PTGFRN: variants seen among roughly 807,000 people sequenced by gnomAD.
The protein encoded by PTGFRN is prostaglandin F2 receptor negative regulator.
A neutral mutation model predicts 83.2 loss-of-function variants in PTGFRN; 35 were observed. The ratio of observed to expected loss-of-function variants is 0.42; its 90% CI spans 0.32 to 0.56. The LOEUF is 0.56. Ranked by LOEUF, PTGFRN falls within the 20% of genes least tolerant of loss-of-function variation. The pLI, the probability that PTGFRN is intolerant of heterozygous loss-of-function variation, is 0.11. For missense variants in PTGFRN, 1,051 were observed against 1,179.5 expected, an observed-to-expected ratio of 0.89 and a Z score of 1.60; for synonymous variants, 519 against 498.6, an observed-to-expected ratio of 1.04 and a Z score of -0.55.
intron 2 of PTGFRN, 122 bp downstream of exon 2, chr1:116,942,205 A>T: frequency 7.7e-7 from 1 of 1,291,110 alleles, no homozygotes; most frequent in Non-Finnish European, 1.1e-6. Context: ...TGTCCAGGGG[A>T]ATAATCATGT....
chr1:116,912,731 G>T (rs953014083), intron 1 of PTGFRN, among the ~76,000 whole-genome samples: 1 of 152,186 alleles, frequency 6.6e-6, no homozygotes, highest in Non-Finnish European at 1.5e-5. Flanking sequence ...CCTCCAAGGA[G>T]ATGTTGCCCC....
At chr1:116,954,170 T>G in intron 4 of PTGFRN, among the ~76,000 whole-genome samples, 1 of 152,098 alleles carries the variant, frequency 6.6e-6, no homozygotes, top group South Asian at 2.1e-4. Context: ...TCATGAGTAT[T>G]TCTTTGGGTG....
At position 116,986,833 on chromosome 1, in the gene PTGFRN, G is replaced by A. The variant is rs752823325; in HGVS notation, c.2506G>A (p.Gly836Ser). 1.9e-6 allele frequency: 3 copies of A among 1,614,002 alleles called. No individual in the cohort carries two copies. The highest frequency in any genetic ancestry group is 2.5e-6 in the Non-Finnish European group (3 of 1,180,000). ...LNAFKYPLLI[G>S]VGLSTVIGLL... ...CGCCTTCAAGTATCCCTTGCTGATCGGCGTCGGTCTGTCCACGGTCATCGG... is the reference window on the plus strand; with the variant it reads ...CGCCTTCAAGTATCCCTTGCTGATCAGCGTCGGTCTGTCCACGGTCATCGG... The change falls in exon 9 of 9, where the codon GGC becomes AGC. Residue 836 changes from glycine (G) to serine (S), a missense_variant. Physicochemically the swap from Gly to Ser is moderately conservative, Grantham distance 56. Around this residue, in one of 3 missense-constraint regions of PTGFRN, gnomAD observed 719 missense variants for 836.6 expected, o/e 0.86. Coordinates refer to ENST00000393203, the MANE Select transcript of PTGFRN (RefSeq NM_020440.4).
In PTGFRN at chr1:116,955,928, G is replaced by A. The variant is rs539703254; in HGVS notation, c.1214-5315G>A. 2.6e-5 allele frequency among the ~76,000 whole-genome samples: 4 copies of A among 152,306 alleles called. No individual in the cohort carries two copies. In the South Asian group the frequency reaches 8.3e-4, roughly 32 times the overall value. On this transcript the variant is annotated intron_variant, in intron 4 of 8. Coordinates refer to ENST00000393203, the MANE Select transcript of PTGFRN (RefSeq NM_020440.4). The stretch of plus-strand genomic sequence containing the variant: ...GGTGGGATTTGTTGAATACGAAATA[G>A]GAGTGTGACATGTGAGTTCAAAGGA...
In PTGFRN at chr1:116,987,002, T is replaced by C. The variant is rs1032283640; in HGVS notation, c.*35T>C. ...GGAGGGGAGTGACAGAGGGACGTTCTAGGAGCAATTGGGGCAAGAAGAGGA... is the reference window on the plus strand; with the variant it reads ...GGAGGGGAGTGACAGAGGGACGTTCCAGGAGCAATTGGGGCAAGAAGAGGA... On this transcript the variant is annotated 3_prime_UTR_variant, in exon 9 of 9. Transcript: ENST00000393203. 1.2e-6 allele frequency: 2 copies of C among 1,611,840 alleles called. No individual in the cohort carries two copies. The highest frequency in any genetic ancestry group is 1.3e-5 in the African/African-American group (1 of 74,870).
Position 116,953,853 on chromosome 1 carries a change from CTTTTTT to C in PTGFRN, c.1213+4293_1213+4298del, listed in dbSNP as rs531278323. ...AGAAAGAAAAACTTCATGAATATTT[CTTTTTT>C]TTTTTTTTTTTGAGATGGAGTCTCG... On this transcript the variant is annotated intron_variant, in intron 4 of 8. Coordinates refer to ENST00000393203, the MANE Select transcript of PTGFRN (RefSeq NM_020440.4). Among the ~76,000 whole-genome samples, 106 of 135,034 alleles carry C rather than the reference CTTTTTT, an allele frequency of 7.8e-4. 2 individuals are homozygous for C. In the East Asian group the frequency reaches 0.02, roughly 26 times the overall value. The allele number at this position is 135,034 out of a possible 152,430, so 88.6% of individuals were successfully genotyped here.
chr1:116,954,959 G>A (rs1650446808), intron 4 of PTGFRN, among the ~76,000 whole-genome samples: 1 of 152,098 alleles, frequency 6.6e-6, no homozygotes, highest in African/African-American at 2.4e-5. Flanking sequence ...TGTAAAATGG[G>A]GATAATAATA....
chr1:116,967,232 G>T lies in PTGFRN; in HGVS notation c.1961G>T (p.Arg654Leu). The T allele has an allele frequency of 1.2e-6, 2 of 1,614,164 alleles. No individual in the cohort carries two copies. The highest frequency in any genetic ancestry group is 1.7e-6 in the Non-Finnish European group (2 of 1,180,008). The change falls in exon 6 of 9, where the codon CGC becomes CTC. Residue 654 changes from arginine to leucine, a missense_variant. Arg to Leu is a moderately radical substitution (Grantham distance 102, BLOSUM62 -2). Transcript: ENST00000393203. ...CAGGTCTCAGACGCAGGGCTGTACC[G>T]CTGCATGGTGACAGCCTGGTCTCCT... is the stretch of plus-strand genomic sequence containing the variant. ...QTQVSDAGLY[R>L]CMVTAWSPVR...
intron 4 of PTGFRN, among the ~76,000 whole-genome samples, chr1:116,955,284 A>G (rs1282817210): frequency 6.6e-6 from 1 of 152,214 alleles, no homozygotes; most frequent in African/African-American, 2.4e-5. Flanking sequence ...GTGATGCTGC[A>G]CTTGGACTGG....
chr1:116,936,958 G>T (rs571974490), intron 1 of PTGFRN, among the ~76,000 whole-genome samples: 1 of 152,200 alleles, frequency 6.6e-6, no homozygotes, highest in African/African-American at 2.4e-5. Context: ...AAACATAAAT[G>T]TTCATAAAGT....
rs142723004 is a variant in PTGFRN at position 116,923,200 on chromosome 1, T to C, written c.49+12948T>C. Among the ~76,000 whole-genome samples, 8 of 152,326 alleles carry C rather than the reference T, an allele frequency of 5.3e-5. No homozygotes were observed. In the East Asian group the frequency reaches 1.5e-3, roughly 29 times the overall value. On this transcript the variant is annotated intron_variant, in intron 1 of 8. Transcript: ENST00000393203. This position sits in a 1 kb window ranked among gnomAD's most constrained non-coding sequence, Gnocchi z 4.0. ...GTAGGAACTTGAATCTTTGAATAAT[T>C]GAATTAATGTATGTGCTTAGAAAAA...
intron 7 of PTGFRN, among the ~76,000 whole-genome samples, chr1:116,975,093 G>A (rs1449605931): frequency 7.2e-5 from 11 of 152,208 alleles, no homozygotes; most frequent in South Asian, 4.1e-4. Context: ...CACCTGGCTC[G>A]GAGGGTCCCA....
chr1:116,933,896 T>C (rs1649858275), intron 1 of PTGFRN, among the ~76,000 whole-genome samples: 3 of 152,226 alleles, frequency 2.0e-5, no homozygotes, highest in Admixed American at 2.0e-4. Context: ...ATGATACATA[T>C]CTTATCTTGC....
intron 4 of PTGFRN, among the ~76,000 whole-genome samples, chr1:116,950,609 A>T (rs1449750401): frequency 6.6e-6 from 1 of 151,858 alleles, no homozygotes; most frequent in Non-Finnish European, 1.5e-5. Flanking sequence ...CTGCATGGAA[A>T]TCTTCTCTTG....
At position 116,923,981 on chromosome 1, in the gene PTGFRN, A is replaced by G. The variant is rs1028354723; in HGVS notation, c.49+13729A>G. On this transcript the variant is annotated intron_variant, in intron 1 of 8. Transcript: ENST00000393203. This position sits in a 1 kb window ranked among gnomAD's most constrained non-coding sequence, Gnocchi z 4.0. ...AGAGAGGTGGCATGGACGAAGTGTC[A>G]TCCAAGGATTGTTAAACGAAAGGGG... Among the ~76,000 whole-genome samples, 1 of 152,154 alleles carries G rather than the reference A, an allele frequency of 6.6e-6. No individual in the cohort carries two copies. Among genetic ancestry groups the G allele is most frequent in the African/African-American group, 2.4e-5 (1 of 41,428 alleles).
intron 8 of PTGFRN, among the ~76,000 whole-genome samples, chr1:116,985,300 G>A (rs1177187916): frequency 6.6e-6 from 1 of 152,206 alleles, no homozygotes; most frequent in Non-Finnish European, 1.5e-5. Flanking sequence ...CATGGATTCT[G>A]CTAGGCACAG....
Position 116,952,479 on chromosome 1 carries a change from T to C in PTGFRN, c.1213+2907T>C, listed in dbSNP as rs559043312. 3.3e-5 allele frequency among the ~76,000 whole-genome samples: 5 copies of C among 152,246 alleles called. No homozygotes were observed. In the South Asian group the frequency reaches 1.0e-3, roughly 32 times the overall value. On this transcript the variant is annotated intron_variant, in intron 4 of 8. Coordinates refer to ENST00000393203, the MANE Select transcript of PTGFRN (RefSeq NM_020440.4). This position sits in a 1 kb window ranked among gnomAD's most constrained non-coding sequence, Gnocchi z 4.0. ...ACTTTAAAGGGAAAGAAAAAAAAGA[T>C]TTAAGTTGGCTTGCAAAATGAGGTA...
chr1:116,961,444 C>T lies in PTGFRN; in HGVS notation c.1415C>T (p.Thr472Met), dbSNP rs371176280. Reference sequence around the variant, plus strand: ...CTTGCAGTCATGGACGGGGACTGGACGCTAAAATATGGAGAGAGGAGCAAG... The same window carrying T: ...CTTGCAGTCATGGACGGGGACTGGATGCTAAAATATGGAGAGAGGAGCAAG... ...ELLAVMDGDW[T>M]LKYGERSKQR... Residue 472 changes from threonine (T) to methionine (M), a missense_variant, in exon 5 of 9, where the codon ACG (threonine) becomes ATG (methionine). Physicochemically the swap from Thr to Met is moderately conservative, Grantham distance 81. Around this residue, in one of 3 missense-constraint regions of PTGFRN, gnomAD observed 719 missense variants for 836.6 expected, o/e 0.86. Coordinates refer to ENST00000393203, the MANE Select transcript of PTGFRN (RefSeq NM_020440.4). This position sits in a 1 kb window ranked among gnomAD's most constrained non-coding sequence, Gnocchi z 5.4. 23 of 1,613,986 alleles carry T rather than the reference C, an allele frequency of 1.4e-5. No homozygotes were observed. Among genetic ancestry groups the T allele is most frequent in the Admixed American group, 1.0e-4 (6 of 59,992 alleles).
rs1376302570 is a variant in PTGFRN at position 116,944,855 on chromosome 1, C to G, written c.595C>G (p.Leu199Val). The G allele has an allele frequency of 2.5e-6, 4 of 1,601,986 alleles. No individual in the cohort carries two copies. Among genetic ancestry groups the G allele is most frequent in the Non-Finnish European group, 3.4e-6 (4 of 1,176,020 alleles). Reference sequence around the variant, plus strand: ...CCCGGCCAGGCGGAGCGTCCTCGCCCTGACCCACGAGGGCAGGTTCCACCC... The same window carrying G: ...CCCGGCCAGGCGGAGCGTCCTCGCCGTGACCCACGAGGGCAGGTTCCACCC... ...RGPARRSVLA[L>V]THEGRFHPGL... Residue 199 changes from leucine (L) to valine (V), a missense_variant, in exon 3 of 9, where the codon CTG (leucine) becomes GTG (valine). Around this residue, in one of 3 missense-constraint regions of PTGFRN, gnomAD observed 205 missense variants for 174.5 expected, o/e 1.17. Coordinates refer to ENST00000393203, the MANE Select transcript of PTGFRN (RefSeq NM_020440.4).
Sources: gnomAD v4.1 joint callset for allele counts (sites outside exome capture counted in the v4.1 genomes callset) on GRCh38, gnomAD v4.1.1 for gene constraint, gnomAD v4.1.1 regional missense constraint, Gnocchi (gnomAD v3.1) non-coding constraint, MANE v1.5 for transcripts, NCBI Gene and HGNC (gene_info 2026-07-23, HGNC 2026-07-21) for gene names.